TENM2: variants seen among roughly 807,000 people sequenced by gnomAD.
TENM2 encodes teneurin transmembrane protein 2.
In TENM2, 52 loss-of-function variants were observed where a neutral mutation model predicts 245.2. The ratio of observed to expected loss-of-function variants is 0.21; its 90% CI spans 0.17 to 0.27. The LOEUF (loss-of-function observed/expected upper bound fraction) is 0.27, where lower values mean the gene tolerates loss of function less well. Ranked by LOEUF, TENM2 falls within the 10% of genes least tolerant of loss-of-function variation. The probability of loss-of-function intolerance (pLI) is 1.00; values close to 1 mark genes in which losing one functional copy is unlikely to be tolerated. For synonymous variants in TENM2, 1,363 were observed against 1,438.9 expected (o/e 0.95, Z 1.19); for missense variants, 3,046 against 3,666.8 (o/e 0.83, Z 4.37).
chr5:167,315,839 T>C (rs1756332351), intron 1 of TENM2, among the ~76,000 whole-genome samples: 1 of 152,148 alleles, frequency 6.6e-6, no homozygotes, highest in South Asian at 2.1e-4. Context: ...AAATGCTGTT[T>C]ACATTTCCCA....
At chr5:168,134,640 T>C (rs1467840764) in intron 12 of TENM2, among the ~76,000 whole-genome samples, 3 of 152,148 alleles carry the variant, frequency 2.0e-5, no homozygotes, top group Admixed American at 6.5e-5. Context: ...TGAGCCGAGA[T>C]TGCGCCATTG....
chr5:167,435,513 A>G (rs1290578758), intron 2 of TENM2, among the ~76,000 whole-genome samples: 1 of 152,174 alleles, frequency 6.6e-6, no homozygotes, highest in African/African-American at 2.4e-5. Context: ...GAATCTAATT[A>G]AACCTCTTTC....
the TENM2 span, among the ~76,000 whole-genome samples, chr5:167,063,882 T>C: frequency 6.6e-6 from 1 of 152,176 alleles, no homozygotes; most frequent in South Asian, 2.1e-4. Flanking sequence ...TTTGGATAGT[T>C]AGGATTTTAG....
intron 2 of TENM2, among the ~76,000 whole-genome samples, chr5:167,726,651 G>T (rs954743840): frequency 4.6e-5 from 7 of 152,036 alleles, no homozygotes; most frequent in African/African-American, 1.7e-4. Context: ...TAGTGATGGG[G>T]TCTCATTATG....
chr5:168,001,221 G>A (rs1332806810), intron 5 of TENM2, among the ~76,000 whole-genome samples: 2 of 152,156 alleles, frequency 1.3e-5, no homozygotes, highest in Non-Finnish European at 2.9e-5. Flanking sequence ...GCACTTCTGA[G>A]TTAGAAAGCA....
At chr5:167,863,723 G>A (rs1279387038) in intron 2 of TENM2, among the ~76,000 whole-genome samples, 1 of 152,102 alleles carries the variant, frequency 6.6e-6, no homozygotes, top group Non-Finnish European at 1.5e-5. Flanking sequence ...TGTTGACTGA[G>A]GCCTACAGAA....
chr5:167,197,491 T>C, the TENM2 span, among the ~76,000 whole-genome samples: 1 of 152,080 alleles, frequency 6.6e-6, no homozygotes, highest in Admixed American at 6.6e-5. Context: ...GAGGCTTCTT[T>C]ATACTTTTTC....
chr5:167,270,084 A>G, the TENM2 span, among the ~76,000 whole-genome samples: 1 of 152,176 alleles, frequency 6.6e-6, no homozygotes. Context: ...AGAATGAGTG[A>G]TGTAGTTAGA....
chr5:167,853,994 CT>C (rs1770839463), intron 2 of TENM2, among the ~76,000 whole-genome samples: 2 of 152,172 alleles, frequency 1.3e-5, no homozygotes, highest in South Asian at 4.1e-4. Flanking sequence ...AATTGTACCC[CT>C]AGTGCTGTTT....
chr5:167,369,259 A>G (rs1050931853), intron 1 of TENM2, among the ~76,000 whole-genome samples: 4 of 152,108 alleles, frequency 2.6e-5, no homozygotes, highest in Non-Finnish European at 5.9e-5. Flanking sequence ...TTTGTATGTA[A>G]TGTCCAGGGG....
chr5:167,134,820 G>C, the TENM2 span, among the ~76,000 whole-genome samples: 1 of 152,062 alleles, frequency 6.6e-6, no homozygotes, highest in Non-Finnish European at 1.5e-5. Context: ...AAGCATAATG[G>C]TATAACAAAT....
intron 19 of TENM2, among the ~76,000 whole-genome samples, chr5:168,211,522 T>C (rs1562285842): frequency 6.6e-6 from 1 of 152,236 alleles, no homozygotes; most frequent in African/African-American, 2.4e-5. Context: ...TCAAGCTTTC[T>C]TGTCCAGATT....
chr5:167,596,795 C>CAAAA (rs35609546), intron 2 of TENM2, among the ~76,000 whole-genome samples: 7 of 131,804 alleles, frequency 5.3e-5, no homozygotes, highest in African/African-American at 2.1e-4. Context: ...GATTCTGCCT[C>CAAAA]AAAAAAAAAA....
intron 1 of TENM2, among the ~76,000 whole-genome samples, chr5:167,294,699 G>A (rs1754845476): frequency 6.6e-6 from 1 of 151,754 alleles, no homozygotes; most frequent in Admixed American, 6.6e-5. Context: ...TTGGCCTATG[G>A]ATTTCTTTAG....
chr5:167,708,841 G>A (rs1245347976), intron 2 of TENM2, among the ~76,000 whole-genome samples: 1 of 152,088 alleles, frequency 6.6e-6, no homozygotes, highest in Non-Finnish European at 1.5e-5. Flanking sequence ...AAAACATAAA[G>A]CACAATGGGA....
intron 2 of TENM2, among the ~76,000 whole-genome samples, chr5:167,400,881 A>G (rs1213204791): frequency 6.6e-6 from 1 of 152,136 alleles, no homozygotes; most frequent in East Asian, 1.9e-4. Context: ...TGACACTGGT[A>G]ACATCTGATG....
At chr5:167,445,369 A>AGAGAGAGAGAGAGAGGGT (rs35699708) in intron 2 of TENM2, among the ~76,000 whole-genome samples, 1 of 98,578 alleles carries the variant, frequency 1.0e-5, no homozygotes. Flanking sequence ...AGAGAGAGAG[A>AGAGAGAGAGAGAGAGGGT]GTGTCAGGTG....
At chr5:167,650,838 G>A (rs1165364651) in intron 2 of TENM2, among the ~76,000 whole-genome samples, 1 of 152,122 alleles carries the variant, frequency 6.6e-6, no homozygotes, top group African/African-American at 2.4e-5. Context: ...ATCTGTGAAG[G>A]CAAGCCAGTA....
chr5:167,710,700 G>A (rs1314244454), intron 2 of TENM2, among the ~76,000 whole-genome samples: 1 of 152,130 alleles, frequency 6.6e-6, no homozygotes, highest in African/African-American at 2.4e-5. Flanking sequence ...TTTTTGGGCA[G>A]GTTAATAAAT....
Sources: allele counts gnomAD v4.1 joint callset (sites outside exome capture counted in the v4.1 genomes callset), GRCh38; gene constraint gnomAD v4.1.1; transcripts MANE v1.5; gene names NCBI Gene and HGNC (gene_info 2026-07-23, HGNC 2026-07-21).